ALG14: variants seen among roughly 807,000 people sequenced by gnomAD.
ALG14 encodes UDP-N-acetylglucosamine transferase subunit ALG14.
ALG14 carries 17 observed loss-of-function variants against 22.8 expected under a neutral mutation model. That is an observed-to-expected ratio of 0.75 (90% CI 0.51 to 1.12). The LOEUF (loss-of-function observed/expected upper bound fraction) is 1.12. Among genes scored for constraint, ALG14 ranks in the 50% most tolerant of loss-of-function variants. ALG14 has a pLI of 0.00. For synonymous variants in ALG14, 89 were observed against 103.7 expected (o/e 0.86, Z 0.86); for missense variants, 288 against 271.8 (o/e 1.06, Z -0.42).
At chr1:95,002,719 ATAG>A (rs1381128647) in intron 3 of ALG14, among the ~76,000 whole-genome samples, 1 of 152,164 alleles carries the variant, frequency 6.6e-6, no homozygotes, top group Non-Finnish European at 1.5e-5. Flanking sequence ...TAAAGCAACG[ATAG>A]TATCTACTGC....
chr1:95,005,175 G>T (rs547259083), intron 3 of ALG14, among the ~76,000 whole-genome samples: 2 of 152,210 alleles, frequency 1.3e-5, no homozygotes, highest in Non-Finnish European at 2.9e-5. Context: ...GATGCATGAG[G>T]ATAAGTCTTT....
At chr1:94,989,987 T>C (rs1387384235) in intron 3 of ALG14, among the ~76,000 whole-genome samples, 2 of 151,200 alleles carry the variant, frequency 1.3e-5, no homozygotes, top group African/African-American at 4.9e-5. Context: ...GGCATAGGAG[T>C]CAGACAGGGC....
At chr1:95,000,880 C>T (rs1340544570) in intron 3 of ALG14, among the ~76,000 whole-genome samples, 7 of 151,988 alleles carry the variant, frequency 4.6e-5, no homozygotes, top group Non-Finnish European at 8.8e-5. Context: ...ACATACCTAC[C>T]GAATGACCAA....
chr1:95,045,341 G>A (rs1252611750), intron 2 of ALG14, among the ~76,000 whole-genome samples: 16 of 152,024 alleles, frequency 1.1e-4, no homozygotes, highest in Admixed American at 1.0e-3. Flanking sequence ...TCTTCTTTTG[G>A]TTCTGATTTT....
chr1:95,050,769 T>A (rs1263120847), intron 2 of ALG14, among the ~76,000 whole-genome samples: 1 of 151,620 alleles, frequency 6.6e-6, no homozygotes, highest in East Asian at 1.9e-4. Context: ...TCCAAGACAA[T>A]AACAGCTCCC....
In ALG14 at chr1:95,036,080, A is replaced by G. The variant is rs368664877; in HGVS notation, c.289-8820T>C. Among the ~76,000 whole-genome samples, 6 of 152,250 alleles carry G rather than the reference A, an allele frequency of 3.9e-5. 1 individual carries two copies. Among genetic ancestry groups the G allele is most frequent in the African/African-American group, 1.4e-4 (6 of 41,532 alleles). On this transcript the variant is annotated intron_variant, in intron 2 of 3. Coordinates refer to ENST00000370205, the MANE Select transcript of ALG14 (RefSeq NM_144988.4). ...TATATGTCCTTCAAGTACTTGGTAG[A>G]TACTTTATGGTGCTGATGAAATGCC...
At chr1:95,034,724 A>G (rs1674127408) in intron 2 of ALG14, among the ~76,000 whole-genome samples, 3 of 152,242 alleles carry the variant, frequency 2.0e-5, no homozygotes, top group Admixed American at 1.3e-4. Flanking sequence ...TTTCCCCAAC[A>G]TATAAGGAGC....
rs55962309 is a variant in ALG14 at position 95,016,942 on chromosome 1, G to GGTGTGTGTGT, written c.420+10177_420+10186dup. 5.9e-3 allele frequency among the ~76,000 whole-genome samples: 759 copies of GGTGTGTGTGT among 129,344 alleles called. 8 individuals carry two copies. The highest frequency in any genetic ancestry group is 9.5e-3 in the African/African-American group (325 of 34,270). 84.9% of individuals were successfully genotyped at this position (129,344 alleles called of 152,430 possible). On this transcript the variant is annotated intron_variant, in intron 3 of 3. Coordinates refer to ENST00000370205, the MANE Select transcript of ALG14 (RefSeq NM_144988.4). ...CCAGCCCTTGCAATTTTGCAAAAGG[G>GGTGTGTGTGT]GTGTGTGTGTGTGTGTGTGTGTGTG...
In ALG14 at chr1:94,979,707, A is replaced by G. The variant is rs1478433116; in HGVS notation, c.*3369T>C. ...TCCCAAAGTTTGTTGCTTGAGGGAC[A>G]TGATAGAAGCTAGTGGGCTAGCATT... On this transcript the variant is annotated 3_prime_UTR_variant, in exon 4 of 4. Coordinates refer to ENST00000370205, the MANE Select transcript of ALG14 (RefSeq NM_144988.4). 1.3e-5 allele frequency: 2 copies of G among 152,238 alleles called. No homozygotes were observed. Among genetic ancestry groups the G allele is most frequent in the Non-Finnish European group, 2.9e-5 (2 of 68,046 alleles). 9.4% of individuals were successfully genotyped at this position (152,238 alleles called of 1,614,324 possible).
chr1:95,068,674 A>G (rs972019847), intron 1 of ALG14, among the ~76,000 whole-genome samples: 2 of 152,102 alleles, frequency 1.3e-5, no homozygotes, highest in African/African-American at 4.8e-5. Context: ...GCCTCCTCCA[A>G]AATTTTGGGC....
chr1:95,041,807 T>C (rs1183867609), intron 2 of ALG14, among the ~76,000 whole-genome samples: 1 of 152,130 alleles, frequency 6.6e-6, no homozygotes, highest in Non-Finnish European at 1.5e-5. Flanking sequence ...AAGAATGTCA[T>C]GTTAATTTTA....
At chr1:95,021,717 T>C (rs1400265295) in intron 3 of ALG14, among the ~76,000 whole-genome samples, 2 of 152,202 alleles carry the variant, frequency 1.3e-5, no homozygotes, top group African/African-American at 4.8e-5. Flanking sequence ...CCCCACCCTC[T>C]GTTCTCACCT....
chr1:95,061,129 G>A (rs78213066), intron 2 of ALG14, among the ~76,000 whole-genome samples: 8 of 152,170 alleles, frequency 5.3e-5, no homozygotes, highest in Non-Finnish European at 8.8e-5. Context: ...CAGAACCTCC[G>A]GAGGGAGTAT....
At position 94,980,452 on chromosome 1, in the gene ALG14, T is replaced by C. The variant is rs1213820951; in HGVS notation, c.*2624A>G. On this transcript the variant is annotated 3_prime_UTR_variant, in exon 4 of 4. Coordinates refer to ENST00000370205, the MANE Select transcript of ALG14 (RefSeq NM_144988.4). Reference sequence around the variant, plus strand: ...GTTTCCCTGCCTCTCATTTGAAGACTGATTCAATTAATTTTTTCATGAACA... The same window carrying C: ...GTTTCCCTGCCTCTCATTTGAAGACCGATTCAATTAATTTTTTCATGAACA... 3 of 152,196 alleles carry C rather than the reference T, an allele frequency of 2.0e-5. No homozygotes were observed. Among genetic ancestry groups the C allele is most frequent in the Admixed American group, 1.3e-4 (2 of 15,268 alleles). The allele number at this position is 152,196 out of a possible 1,614,324, so 9.4% of individuals were successfully genotyped here. A position where few individuals can be genotyped will look rare whatever the true frequency, so the allele number is the denominator to read the frequency against.
chr1:95,011,727 T>C (rs909653154), intron 3 of ALG14, among the ~76,000 whole-genome samples: 4 of 152,172 alleles, frequency 2.6e-5, no homozygotes, highest in Non-Finnish European at 5.9e-5. Context: ...AAAATAAATT[T>C]CTATTGTTAA....
intron 3 of ALG14, among the ~76,000 whole-genome samples, chr1:94,995,410 C>T (rs1319720316): frequency 6.6e-6 from 1 of 152,056 alleles, no homozygotes; most frequent in African/African-American, 2.4e-5. Context: ...TCTTGGTGTG[C>T]TTAAAGAACG....
rs1376541522 is a variant in ALG14, at chr1:94,980,146, A to G, written c.*2930T>C. ...TTTTAACTTACCATGTATCTTTGAA[A>G]GGTAGAATGATGTGTTCCAAGTTGC... On this transcript the variant is annotated 3_prime_UTR_variant, in exon 4 of 4. Transcript: ENST00000370205. 2 of 152,122 alleles carry G rather than the reference A, an allele frequency of 1.3e-5. No individual in the cohort carries two copies. The highest frequency in any genetic ancestry group is 1.9e-4 in the East Asian group (1 of 5,204). 9.4% of individuals were successfully genotyped at this position (152,122 alleles called of 1,614,324 possible). A position where few individuals can be genotyped will look rare whatever the true frequency, so the allele number is the denominator to read the frequency against.
intron 3 of ALG14, among the ~76,000 whole-genome samples, chr1:95,020,088 T>C (rs1238939707): frequency 6.6e-6 from 1 of 151,876 alleles, no homozygotes; most frequent in East Asian, 1.9e-4. Flanking sequence ...TGTGGTGTCA[T>C]GCGTCTATAA....
intron 2 of ALG14, among the ~76,000 whole-genome samples, chr1:95,056,832 G>T (rs1372677633): frequency 6.6e-6 from 1 of 151,656 alleles, no homozygotes; most frequent in African/African-American, 2.4e-5. Flanking sequence ...GCCAAGGCGG[G>T]CGGATCACGT....
Sources: gnomAD v4.1 joint callset for allele counts (sites outside exome capture counted in the v4.1 genomes callset) on GRCh38, gnomAD v4.1.1 for gene constraint, MANE v1.5 for transcripts, NCBI Gene and HGNC (gene_info 2026-07-23, HGNC 2026-07-21) for gene names.